The following LRFN5 variants were observed in gnomAD, a reference collection of about 807,000 sequenced individuals.
The protein encoded by LRFN5 is leucine rich repeat and fibronectin type III domain containing 5.
A neutral mutation model predicts 45.6 loss-of-function variants in LRFN5; 24 were observed. That is an observed-to-expected ratio of 0.53 (90% confidence interval 0.38 to 0.74). The LOEUF (loss-of-function observed/expected upper bound fraction) is 0.74, where lower values mean the gene tolerates loss of function less well. Among genes scored for constraint, LRFN5 ranks in the 30% least tolerant of loss-of-function variants. The pLI is 0.00. For missense variants in LRFN5, 776 were observed against 861.5 expected (o/e 0.90, Z 1.24); for synonymous variants, 340 against 313.8 (o/e 1.08, Z -0.88).
At chr14:41,729,944 G>C (rs1884096736) in intron 1 of LRFN5, among the ~76,000 whole-genome samples, 1 of 151,802 alleles carries the variant, frequency 6.6e-6, no homozygotes, top group Non-Finnish European at 1.5e-5. Flanking sequence ...TATTTAAAGA[G>C]ATAGTTTACT....
chr14:41,617,442 G>A (rs1376932117), intron 1 of LRFN5, among the ~76,000 whole-genome samples: 1 of 151,906 alleles, frequency 6.6e-6, no homozygotes, highest in Non-Finnish European at 1.5e-5. Flanking sequence ...TACACCTAGG[G>A]GATTGCCCTT....
At chr14:41,720,336 G>A (rs1883665414) in intron 1 of LRFN5, among the ~76,000 whole-genome samples, 1 of 152,050 alleles carries the variant, frequency 6.6e-6, no homozygotes, top group African/African-American at 2.4e-5. Flanking sequence ...CCAATCCACT[G>A]TTGATGAGCA....
At chr14:41,643,979 T>TGGTTA (rs1879699639) in intron 1 of LRFN5, among the ~76,000 whole-genome samples, 1 of 152,230 alleles carries the variant, frequency 6.6e-6, no homozygotes, top group Non-Finnish European at 1.5e-5. Context: ...CAATGCAGTT[T>TGGTTA]AGTAGGTTAC....
rs372189687 is a variant in LRFN5 at position 41,899,001 on chromosome 14, T to C, written c.2142+41T>C. The C allele has an allele frequency of 4.7e-6, 7 of 1,484,018 alleles. No homozygotes were observed. In the African/African-American group the frequency reaches 9.8e-5, roughly 21 times the overall value. 91.9% of individuals were successfully genotyped at this position (1,484,018 alleles called of 1,614,324 possible). A position where few individuals can be genotyped will look rare whatever the true frequency, so the allele number is the denominator to read the frequency against. Reference sequence around the variant, plus strand: ...CCTATAACTTACTTCAACACTTAAATGGGTATACACTTTTTATAAATTAAC... The same window carrying C: ...CCTATAACTTACTTCAACACTTAAACGGGTATACACTTTTTATAAATTAAC... On this transcript the variant is annotated intron_variant, in intron 5 of 5. Coordinates refer to ENST00000298119, the MANE Select transcript of LRFN5 (RefSeq NM_152447.5).
At chr14:41,764,769 T>A (rs1885807842) in intron 1 of LRFN5, among the ~76,000 whole-genome samples, 1 of 142,940 alleles carries the variant, frequency 7.0e-6, no homozygotes. Context: ...ATATTGTGCC[T>A]GTATTTACTA....
intron 1 of LRFN5, among the ~76,000 whole-genome samples, chr14:41,723,138 A>G (rs1188368214): frequency 6.6e-6 from 1 of 152,202 alleles, no homozygotes; most frequent in Non-Finnish European, 1.5e-5. Context: ...TCGCTCCACA[A>G]GAATGGTGGG....
chr14:41,893,196 A>C, intron 4 of LRFN5: 1 of 979,240 alleles, frequency 1.0e-6, no homozygotes. Flanking sequence ...GTGAGAATAC[A>C]TAATTTTTTA....
intron 1 of LRFN5, among the ~76,000 whole-genome samples, chr14:41,740,677 A>T (rs61992388): frequency 1.3e-5 from 2 of 151,856 alleles, no homozygotes; most frequent in Admixed American, 6.6e-5. Flanking sequence ...ACTTCTATTC[A>T]TTATAGTATT....
At chr14:41,680,646 T>C (rs1238005339) in intron 1 of LRFN5, among the ~76,000 whole-genome samples, 1 of 152,058 alleles carries the variant, frequency 6.6e-6, no homozygotes, top group African/African-American at 2.4e-5. Context: ...TGGAAAGCCA[T>C]CCCAAGGACA....
chr14:41,834,553 A>T (rs554022509), intron 2 of LRFN5, among the ~76,000 whole-genome samples: 54 of 152,310 alleles, frequency 3.5e-4, no homozygotes, highest in African/African-American at 1.2e-3. Flanking sequence ...TCACCTTAAC[A>T]TTCGATAAAG....
At chr14:41,753,572 G>C (rs1885234853) in intron 1 of LRFN5, among the ~76,000 whole-genome samples, 2 of 151,912 alleles carry the variant, frequency 1.3e-5, no homozygotes, top group Non-Finnish European at 2.9e-5. Context: ...CTGTTTGTCT[G>C]TTATTGGTGT....
chr14:41,628,200 A>C (rs967225653), intron 1 of LRFN5, among the ~76,000 whole-genome samples: 1 of 152,086 alleles, frequency 6.6e-6, no homozygotes, highest in African/African-American at 2.4e-5. Context: ...TTTACCCCTC[A>C]TTTATTCTTA....
chr14:41,810,258 A>G (rs939992588), intron 2 of LRFN5, among the ~76,000 whole-genome samples: 1 of 152,042 alleles, frequency 6.6e-6, no homozygotes, highest in African/African-American at 2.4e-5. Context: ...CTGAAGAGCT[A>G]TAGGTAACAA....
At chr14:41,655,841 T>A (rs1880354994) in intron 1 of LRFN5, among the ~76,000 whole-genome samples, 1 of 151,934 alleles carries the variant, frequency 6.6e-6, no homozygotes, top group Non-Finnish European at 1.5e-5. Context: ...ATCTCACAGT[T>A]TTGAGCTCTG....
At chr14:41,813,410 G>C (rs1174837843) in intron 2 of LRFN5, among the ~76,000 whole-genome samples, 1 of 151,736 alleles carries the variant, frequency 6.6e-6, no homozygotes, top group Non-Finnish European at 1.5e-5. Flanking sequence ...TGTTCTCATT[G>C]TTCAACTCCC....
At chr14:41,695,805 G>A (rs926808762) in intron 1 of LRFN5, among the ~76,000 whole-genome samples, 1 of 151,952 alleles carries the variant, frequency 6.6e-6, no homozygotes, top group African/African-American at 2.4e-5. Flanking sequence ...TGTACGAGGA[G>A]ATTAATGTGA....
Position 41,607,129 on chromosome 14 carries a change from G to A in LRFN5, c.-1630G>A, listed in dbSNP as rs1026612133. The stretch of plus-strand genomic sequence containing the variant: ...GCGTGTGCAGAGCTGCCCGAACGGA[G>A]GACTATGTATGTGTGTGCGCGTGTT... On this transcript the variant is annotated 5_prime_UTR_variant, in exon 1 of 6. Transcript: ENST00000298119. Among the ~76,000 whole-genome samples the A allele has an allele frequency of 6.6e-6, 1 of 152,172 alleles. No homozygotes were observed. The highest frequency in any genetic ancestry group is 1.5e-5 in the Non-Finnish European group (1 of 68,016).
chr14:41,619,670 T>C (rs143728191), intron 1 of LRFN5, among the ~76,000 whole-genome samples: 1 of 152,050 alleles, frequency 6.6e-6, no homozygotes, highest in African/African-American at 2.4e-5. Flanking sequence ...TAACTAGGTT[T>C]CATATGCTGC....
At chr14:41,824,927 C>G (rs1888242192) in intron 2 of LRFN5, among the ~76,000 whole-genome samples, 1 of 152,180 alleles carries the variant, frequency 6.6e-6, no homozygotes, top group African/African-American at 2.4e-5. Flanking sequence ...GTCCACCTCC[C>G]TATCATATCC....
Sources: gnomAD v4.1 joint callset for allele counts (sites outside exome capture counted in the v4.1 genomes callset) on GRCh38, gnomAD v4.1.1 for gene constraint, MANE v1.5 for transcripts, NCBI Gene and HGNC (gene_info 2026-07-23, HGNC 2026-07-21) for gene names.